Variants in KIF21A observed in about 807,000 individuals in gnomAD.
The protein encoded by KIF21A is kinesin family member 21A.
In KIF21A, 114 loss-of-function variants were observed where a neutral mutation model predicts 202.9. The observed-to-expected ratio is 0.56, with a 90% CI of 0.48 to 0.66. The LOEUF is 0.66. Among genes scored for constraint, KIF21A ranks in the 30% least tolerant of loss-of-function variants. KIF21A has a pLI of 0.00. For synonymous variants in KIF21A, 667 were observed against 670.8 expected, an observed-to-expected ratio of 0.99 and a Z score of 0.09; for missense variants, 1,677 against 1,994.9, an observed-to-expected ratio of 0.84 and a Z score of 3.04.
In KIF21A at chr12:39,351,967, C is replaced by T. The variant is rs1453403699; in HGVS notation, c.1483G>A (p.Glu495Lys). 6.2e-7 allele frequency: 1 copy of T among 1,612,588 alleles called. No individual in the cohort carries two copies. The highest frequency in any genetic ancestry group is 1.3e-5 in the African/African-American group (1 of 74,814). ...AGGTTCTCATTCACTGCTTCACTTT[C>T]TAATAATTTTGCCCTAGCAAATAAA... is the stretch of plus-strand genomic sequence containing the variant. Reference protein sequence around the residue: ...EIEDLRAKLLESEAVNENLRK... With the variant: ...EIEDLRAKLLKSEAVNENLRK... The change falls in exon 11 of 38, where the codon GAA becomes AAA. Residue 495 changes from glutamate (E) to lysine (K), a missense_variant. Physicochemically the swap from Glu to Lys is moderately conservative, Grantham distance 56. This residue lies in a region of KIF21A where 966 missense variants were observed against 1,180.9 expected (regional missense o/e 0.82). Transcript: ENST00000361418.
At chr12:39,331,906 G>A in intron 21 of KIF21A, 115 bp from the exon 22 acceptor site, 1 of 823,106 alleles carries the variant, frequency 1.2e-6, no homozygotes, top group Non-Finnish European at 2.1e-6. Flanking sequence ...GAGATGCTCA[G>A]ATAAGTGCAA....
At position 39,318,205 on chromosome 12, in the gene KIF21A, C is replaced by G; in HGVS notation, c.3780-4G>C. On this transcript the variant is annotated splice_polypyrimidine_tract_variant and splice_region_variant and intron_variant, in intron 28 of 37. Coordinates refer to ENST00000361418, the MANE Select transcript of KIF21A (RefSeq NM_001173464.2). ...CTCTGAAGTTCCAGAATCTGAGCTA[C>G]AAGAAAAAAAGAACATTAAGTAGGT... 1 of 1,611,778 alleles carries G rather than the reference C, an allele frequency of 6.2e-7. No individual in the cohort carries two copies. The highest frequency in any genetic ancestry group is 8.5e-7 in the Non-Finnish European group (1 of 1,178,726).
intron 1 of KIF21A, among the ~76,000 whole-genome samples, chr12:39,404,693 C>T (rs898236405): frequency 1.3e-5 from 2 of 152,136 alleles, no homozygotes; most frequent in Non-Finnish European, 2.9e-5. Context: ...TGTAAAAACA[C>T]ATAATCATAA....
At position 39,408,996 on chromosome 12, in the gene KIF21A, T is replaced by C. The variant is rs1177778833; in HGVS notation, c.44+33931A>G. 2.0e-5 allele frequency among the ~76,000 whole-genome samples: 3 copies of C among 151,854 alleles called. 1 individual carries two copies. Among genetic ancestry groups the C allele is most frequent in the Admixed American group, 2.0e-4 (3 of 15,242 alleles). On this transcript the variant is annotated intron_variant, in intron 1 of 37. Transcript: ENST00000361418. ...CACCACGCCCAGCTAATCTTTTTTA[T>C]TTTTTATTTTTTTGTTGTTGTTGTT...
intron 11 of KIF21A, among the ~76,000 whole-genome samples, chr12:39,348,241 C>T (rs1302240435): frequency 6.6e-6 from 1 of 152,062 alleles, no homozygotes; most frequent in African/African-American, 2.4e-5. Flanking sequence ...GTTTTTACTT[C>T]ACTTAGTTCC....
intron 18 of KIF21A, 51 bp from the exon 19 acceptor site, chr12:39,333,158 C>A (rs1946653073): frequency 6.2e-7 from 1 of 1,605,556 alleles, no homozygotes; most frequent in African/African-American, 1.3e-5. Flanking sequence ...AGAAATACAT[C>A]ATTTATCTCA....
intron 24 of KIF21A, among the ~76,000 whole-genome samples, chr12:39,327,360 T>C (rs1225323894): frequency 1.3e-5 from 2 of 152,064 alleles, no homozygotes; most frequent in Non-Finnish European, 2.9e-5. Context: ...CTTTCTGAAG[T>C]GAAAAAAATG....
intron 33 of KIF21A, among the ~76,000 whole-genome samples, chr12:39,308,772 A>G (rs971432015): frequency 6.6e-6 from 1 of 152,138 alleles, no homozygotes; most frequent in African/African-American, 2.4e-5. Context: ...AAGATATATT[A>G]TATCTTAATA....
intron 11 of KIF21A, among the ~76,000 whole-genome samples, chr12:39,350,420 A>G (rs186366194): frequency 1.3e-5 from 2 of 152,164 alleles, no homozygotes; most frequent in Admixed American, 1.3e-4. Context: ...CTTACTTATT[A>G]TTTATGAATA....
chr12:39,370,131 AGTCAAT>A lies in KIF21A; in HGVS notation c.169_174del (p.Ile57_Asp58del). 1 of 1,612,560 alleles carries A rather than the reference AGTCAAT, an allele frequency of 6.2e-7. No homozygotes were observed. Among genetic ancestry groups the A allele is most frequent in the Non-Finnish European group, 8.5e-7 (1 of 1,179,274 alleles). ...TGAATGTAGATCTGCTCTTGCTGGGAGTCAATGTCAAATACATAGTCAAAAGTAAAA... is the reference window on the plus strand; with the variant it reads ...TGAATGTAGATCTGCTCTTGCTGGGAGTCAAATACATAGTCAAAAGTAAAA... On this transcript the variant is annotated inframe_deletion, in exon 2 of 38. Coordinates refer to ENST00000361418, the MANE Select transcript of KIF21A (RefSeq NM_001173464.2).
At chr12:39,326,052 T>C (rs1344216079) in intron 25 of KIF21A, among the ~76,000 whole-genome samples, 159 bp from the exon 26 acceptor site, 2 of 152,180 alleles carry the variant, frequency 1.3e-5, no homozygotes, top group Non-Finnish European at 1.5e-5. Context: ...AAATAATTCA[T>C]TTATGTTCCT....
At position 39,368,483 on chromosome 12, in the gene KIF21A, A is replaced by G. The variant is rs577612942; in HGVS notation, c.451-451T>C. On this transcript the variant is annotated intron_variant, in intron 3 of 37. Coordinates refer to ENST00000361418, the MANE Select transcript of KIF21A (RefSeq NM_001173464.2). ...TAACACTTAGCATGTTTGCAAGGTC[A>G]GTAACAATATTAGTGTTCCTGTATC... Among the ~76,000 whole-genome samples the G allele has an allele frequency of 4.6e-5, 7 of 152,310 alleles. No individual in the cohort carries two copies. In the South Asian group the frequency reaches 1.2e-3, roughly 27 times the overall value.
chr12:39,347,205 C>A (rs1473732210), intron 11 of KIF21A, among the ~76,000 whole-genome samples: 1 of 149,938 alleles, frequency 6.7e-6, no homozygotes, highest in Non-Finnish European at 1.5e-5. Flanking sequence ...AAACTAACTA[C>A]TGAAAGGGCA....
At chr12:39,412,988 C>T (rs888083688) in intron 1 of KIF21A, among the ~76,000 whole-genome samples, 6 of 152,156 alleles carry the variant, frequency 3.9e-5, no homozygotes, top group South Asian at 2.1e-4. Context: ...AATATGAATT[C>T]GGCCTTCAAT....
rs1357279925 is a variant in KIF21A at position 39,307,133 on chromosome 12, A to G, written c.4442+432T>C. ...TACATATATTTTATTTTATATTCAC[A>G]AAAATTCTGAGGACTTTATGCCCAA... On this transcript the variant is annotated intron_variant, in intron 34 of 37. Transcript: ENST00000361418. 2.0e-5 allele frequency among the ~76,000 whole-genome samples: 3 copies of G among 152,106 alleles called. No homozygotes were observed. The East Asian group carries it at 5.8e-4, about 29-fold the overall frequency.
intron 1 of KIF21A, among the ~76,000 whole-genome samples, chr12:39,382,951 A>G (rs1388945390): frequency 6.6e-6 from 1 of 152,212 alleles, no homozygotes; most frequent in East Asian, 1.9e-4. Context: ...TGCATGAAGT[A>G]TCAGAAATGG....
chr12:39,386,013 T>C (rs1402893165), intron 1 of KIF21A, among the ~76,000 whole-genome samples: 1 of 152,218 alleles, frequency 6.6e-6, no homozygotes, highest in Non-Finnish European at 1.5e-5. Context: ...TTATTTGTTC[T>C]GGGTTTTGTT....
At chr12:39,355,204 A>C (rs1948672904) in intron 10 of KIF21A, among the ~76,000 whole-genome samples, 1 of 152,200 alleles carries the variant, frequency 6.6e-6, no homozygotes. Context: ...AAATGGCTTA[A>C]GGAAGGAATA....
intron 1 of KIF21A, among the ~76,000 whole-genome samples, chr12:39,396,264 GCT>G (rs1173076622): frequency 6.6e-6 from 1 of 152,002 alleles, no homozygotes; most frequent in African/African-American, 2.4e-5. Context: ...TGGTTTGCTG[GCT>G]CTCTGATTAA....
Sources: allele counts gnomAD v4.1 joint callset (sites outside exome capture counted in the v4.1 genomes callset), GRCh38; gene constraint gnomAD v4.1.1; regional missense constraint gnomAD v4.1.1; transcripts MANE v1.5; gene names NCBI Gene and HGNC (gene_info 2026-07-23, HGNC 2026-07-21).